MARCHF11: variants seen among roughly 807,000 people sequenced by gnomAD.
The protein encoded by MARCHF11 is membrane associated ring-CH-type finger 11.
MARCHF11 carries 29 observed loss-of-function variants against 37.3 expected under a neutral mutation model. The observed-to-expected ratio is 0.78, with a 90% CI of 0.58 to 1.06. The LOEUF (loss-of-function observed/expected upper bound fraction) is 1.06, where lower values mean the gene tolerates loss of function less well. Among genes scored for constraint, MARCHF11 ranks in the 50% least tolerant of loss-of-function variants. The pLI is 0.00. For missense variants in MARCHF11, 482 were observed against 533.4 expected (o/e 0.90, Z 0.95); for synonymous variants, 233 against 228.0 (o/e 1.02, Z -0.20).
chr5:16,073,870 C>T (rs80061902), intron 3 of MARCHF11, among the ~76,000 whole-genome samples: 7,867 of 152,130 alleles, frequency 0.052, 289 homozygotes, highest in Non-Finnish European at 0.074. Context: ...ATAAAATGCA[C>T]CTATAAACTG....
Position 16,179,354 on chromosome 5 carries a change from CG to C in MARCHF11, c.221del (p.Pro74ArgfsTer110). On this transcript the variant is annotated frameshift_variant, in exon 1 of 4. Coordinates refer to ENST00000332432, the MANE Select transcript of MARCHF11 (RefSeq NM_001102562.3). LOFTEE classifies it high-confidence loss of function. ...GCAGCTCGTCCGCTCCCCTGCACCG[CG>C]GGGCCACCTCCCCTAGCGGCTCGCT... ...GPSEPLGEVAPRCRGADELPP... is the reference protein window; with the variant it reads ...GPSEPLGEVAXRCRGADELPP... 2.5e-6 allele frequency: 3 copies of C among 1,184,096 alleles called. No individual in the cohort carries two copies. The highest frequency in any genetic ancestry group is 1.6e-5 in the African/African-American group (1 of 62,004). The allele number at this position is 1,184,096 out of a possible 1,614,324, so 73.3% of individuals were successfully genotyped here. A position where few individuals can be genotyped will look rare whatever the true frequency, so the allele number is the denominator to read the frequency against.
At chr5:16,138,888 G>T (rs769921839) in intron 2 of MARCHF11, among the ~76,000 whole-genome samples, 1 of 152,190 alleles carries the variant, frequency 6.6e-6, no homozygotes, top group African/African-American at 2.4e-5. Flanking sequence ...TTTGGAACAG[G>T]TGTATTTGCC....
intron 3 of MARCHF11, among the ~76,000 whole-genome samples, chr5:16,088,730 T>A (rs1303667345): frequency 6.6e-6 from 1 of 152,132 alleles, no homozygotes; most frequent in Non-Finnish European, 1.5e-5. Context: ...TAAACAATGT[T>A]CAATCAGAAT....
intron 3 of MARCHF11, among the ~76,000 whole-genome samples, chr5:16,073,386 G>A (rs1056416116): frequency 3.9e-5 from 6 of 152,096 alleles, no homozygotes; most frequent in Non-Finnish European, 5.9e-5. Context: ...AAATGTCCAG[G>A]AGTTGTGGAA....
At chr5:16,139,408 T>C (rs1227700717) in intron 2 of MARCHF11, among the ~76,000 whole-genome samples, 1 of 152,216 alleles carries the variant, frequency 6.6e-6, no homozygotes, top group Non-Finnish European at 1.5e-5. Context: ...TGTAAGTCCA[T>C]TAAACCTCTT....
chr5:16,096,293 T>C (rs1304466125), intron 2 of MARCHF11, among the ~76,000 whole-genome samples: 1 of 152,230 alleles, frequency 6.6e-6, no homozygotes, highest in African/African-American at 2.4e-5. Flanking sequence ...CAAATATTTC[T>C]TGAATCTGAA....
chr5:16,084,272 A>G (rs74693214), intron 3 of MARCHF11, among the ~76,000 whole-genome samples: 4,124 of 152,328 alleles, frequency 0.027, 171 homozygotes, highest in African/African-American at 0.094. Context: ...TTTCTTGTGC[A>G]TGCCAAAGTA....
At chr5:16,140,609 A>T (rs1297784431) in intron 2 of MARCHF11, among the ~76,000 whole-genome samples, 1 of 152,178 alleles carries the variant, frequency 6.6e-6, no homozygotes, top group East Asian at 1.9e-4. Flanking sequence ...TTTCTATGAA[A>T]TCGACATAAC....
intron 2 of MARCHF11, among the ~76,000 whole-genome samples, chr5:16,166,519 A>G (rs1270179783): frequency 6.6e-6 from 1 of 151,988 alleles, no homozygotes; most frequent in Non-Finnish European, 1.5e-5. Flanking sequence ...TATAAACTAT[A>G]TAAACCATTT....
At chr5:16,155,210 A>G (rs1361179645) in intron 2 of MARCHF11, among the ~76,000 whole-genome samples, 1 of 151,930 alleles carries the variant, frequency 6.6e-6, no homozygotes, top group African/African-American at 2.4e-5. Context: ...CAATGCAGGT[A>G]GAAGTTTCTC....
intron 3 of MARCHF11, 67 bp downstream of exon 3, chr5:16,090,822 T>G: frequency 7.9e-7 from 1 of 1,259,824 alleles, no homozygotes; most frequent in East Asian, 2.6e-5. Flanking sequence ...ATCCGAATGG[T>G]GAAAACGTAA....
At chr5:16,136,134 A>G (rs149719126) in intron 2 of MARCHF11, among the ~76,000 whole-genome samples, 1 of 152,284 alleles carries the variant, frequency 6.6e-6, no homozygotes, top group Non-Finnish European at 1.5e-5. Flanking sequence ...CAGGAAGAAA[A>G]TGATAGTAGT....
intron 3 of MARCHF11, among the ~76,000 whole-genome samples, chr5:16,090,513 C>T (rs755563066): frequency 1.3e-5 from 2 of 152,128 alleles, no homozygotes; most frequent in Middle Eastern, 6.8e-3. Context: ...AATACAGTAC[C>T]GCCATTTGCA....
intron 3 of MARCHF11, among the ~76,000 whole-genome samples, chr5:16,086,387 A>G (rs927768021): frequency 3.3e-5 from 5 of 152,324 alleles, no homozygotes; most frequent in Non-Finnish European, 7.3e-5. Context: ...TATAGATTTC[A>G]CAATTATAAA....
rs540526270 is a variant in MARCHF11, at chr5:16,099,000, A to T, written c.694-7919T>A. On this transcript the variant is annotated intron_variant, in intron 2 of 3. Transcript: ENST00000332432. ...AAAGTTGGCATGTTCTTGTTAAATGATCCTCCAAACCTCTTCTTCCTTGTT... is the reference window on the plus strand; with the variant it reads ...AAAGTTGGCATGTTCTTGTTAAATGTTCCTCCAAACCTCTTCTTCCTTGTT... 1.9e-4 allele frequency among the ~76,000 whole-genome samples: 29 copies of T among 152,270 alleles called. No individual in the cohort carries two copies. The East Asian group carries it at 4.1e-3, about 21-fold the overall frequency.
chr5:16,105,018 G>A lies in MARCHF11; in HGVS notation c.694-13937C>T, dbSNP rs181540422. Among the ~76,000 whole-genome samples, 4 of 152,318 alleles carry A rather than the reference G, an allele frequency of 2.6e-5. No individual in the cohort carries two copies. The South Asian group carries it at 8.3e-4, about 32-fold the overall frequency. On this transcript the variant is annotated intron_variant, in intron 2 of 3. Transcript: ENST00000332432. ...AACTTTTCTTCAAAGGTAACAGAGC[G>A]CTAACTGATAACTTCTCTGAGTAAG...
At chr5:16,095,261 C>A (rs1263462903) in intron 2 of MARCHF11, among the ~76,000 whole-genome samples, 1 of 152,108 alleles carries the variant, frequency 6.6e-6, no homozygotes, top group East Asian at 1.9e-4. Flanking sequence ...AGTAATTCCC[C>A]GGGGTTCATT....
chr5:16,132,078 A>G (rs1378523811), intron 2 of MARCHF11, among the ~76,000 whole-genome samples: 1 of 152,240 alleles, frequency 6.6e-6, no homozygotes, highest in East Asian at 1.9e-4. Context: ...GGCTCAGAGC[A>G]TCTACCAACT....
intron 3 of MARCHF11, among the ~76,000 whole-genome samples, chr5:16,085,281 G>C (rs1736676132): frequency 6.6e-6 from 1 of 152,048 alleles, no homozygotes; most frequent in Non-Finnish European, 1.5e-5. Flanking sequence ...AAAGGTCTCT[G>C]ATCTTGATCA....
Sources: allele counts gnomAD v4.1 joint callset (sites outside exome capture counted in the v4.1 genomes callset), GRCh38; gene constraint gnomAD v4.1.1; transcripts MANE v1.5; gene names NCBI Gene and HGNC (gene_info 2026-07-23, HGNC 2026-07-21).